Variants in MSH3 observed in about 807,000 individuals in gnomAD.
The protein encoded by MSH3 is mutS homolog 3, also known as DNA mismatch repair protein Msh3.
MSH3 carries 106 observed loss-of-function variants against 123.3 expected under a neutral mutation model. The ratio of observed to expected loss-of-function variants is 0.86; its 90% CI spans 0.73 to 1.01. The LOEUF (loss-of-function observed/expected upper bound fraction) is 1.01, where lower values mean the gene tolerates loss of function less well. MSH3 is among the 50% of genes least tolerant of loss of function. The probability of loss-of-function intolerance (pLI) is 0.00; values close to 1 mark genes in which losing one functional copy is unlikely to be tolerated. For synonymous variants in MSH3, 515 were observed against 481.4 expected (o/e 1.07, Z -0.91); for missense variants, 1,459 against 1,347.6 (o/e 1.08, Z -1.29).
intron 22 of MSH3, among the ~76,000 whole-genome samples, chr5:80,868,619 G>A (rs561389074): frequency 1.7e-4 from 24 of 141,824 alleles, no homozygotes; most frequent in Non-Finnish European, 3.2e-4. Context: ...CCTACTAGAT[G>A]GGGGAGGGTG....
rs542453427 is a variant in MSH3 at position 80,740,601 on chromosome 5, C to T, written c.1569-863C>T. On this transcript the variant is annotated intron_variant, in intron 10 of 23. Transcript: ENST00000265081. ...GGTCTCCATCTCTTGACCTCGTGAT[C>T]CACCCACCTTGGCCTCCCAAAGTGG... 3.9e-5 allele frequency among the ~76,000 whole-genome samples: 6 copies of T among 152,260 alleles called. No individual in the cohort carries two copies. The East Asian group carries it at 1.2e-3, about 29-fold the overall frequency.
rs1278906585 is a variant in MSH3 at position 80,693,615 on chromosome 5, A to G, written c.1340+14522A>G. Among the ~76,000 whole-genome samples, 3 of 100,220 alleles carry G rather than the reference A, an allele frequency of 3.0e-5. No homozygotes were observed. The East Asian group carries it at 8.9e-4, about 30-fold the overall frequency. 65.7% of individuals were successfully genotyped at this position (100,220 alleles called of 152,430 possible). ...TATATATAAACATACATATATACACACACACATATACACACACACACACAC... is the reference window on the plus strand; with the variant it reads ...TATATATAAACATACATATATACACGCACACATATACACACACACACACAC... On this transcript the variant is annotated intron_variant, in intron 8 of 23. Transcript: ENST00000265081.
chr5:80,810,756 T>C (rs1480591400), intron 19 of MSH3, among the ~76,000 whole-genome samples: 1 of 152,176 alleles, frequency 6.6e-6, no homozygotes, highest in Admixed American at 6.5e-5. Context: ...TAATTAGGTC[T>C]TCTTTAATTT....
At chr5:80,833,876 A>G (rs77804360) in intron 20 of MSH3, among the ~76,000 whole-genome samples, 71 of 142,844 alleles carry the variant, frequency 5.0e-4, no homozygotes, top group African/African-American at 1.8e-3. Flanking sequence ...GAATGGTATC[A>G]AAGACTCTGG....
intron 6 of MSH3, among the ~76,000 whole-genome samples, chr5:80,673,125 A>T (rs1749759678): frequency 6.6e-6 from 1 of 152,218 alleles, no homozygotes; most frequent in Non-Finnish European, 1.5e-5. Flanking sequence ...AGACGATGTC[A>T]GGTTAGTATC....
At chr5:80,845,644 A>G (rs900238731) in intron 20 of MSH3, among the ~76,000 whole-genome samples, 2 of 151,888 alleles carry the variant, frequency 1.3e-5, no homozygotes, top group African/African-American at 4.8e-5. Context: ...ACTTTATTTC[A>G]TTAATTTGAT....
At chr5:80,745,777 C>T (rs1316937149) in intron 12 of MSH3, among the ~76,000 whole-genome samples, 1 of 152,230 alleles carries the variant, frequency 6.6e-6, no homozygotes, top group Non-Finnish European at 1.5e-5. Flanking sequence ...TCACACCACA[C>T]AGTATGCTAG....
chr5:80,831,723 ATCCATT>A (rs911723920), intron 20 of MSH3, among the ~76,000 whole-genome samples: 1 of 151,886 alleles, frequency 6.6e-6, no homozygotes, highest in African/African-American at 2.4e-5. Flanking sequence ...TGACTTAGAC[ATCCATT>A]TTGGACAGAG....
chr5:80,709,553 C>T (rs533984065), intron 8 of MSH3, among the ~76,000 whole-genome samples: 13 of 152,144 alleles, frequency 8.5e-5, no homozygotes, highest in Non-Finnish European at 1.3e-4. Context: ...ACCCGGGAGG[C>T]GGAGCTTGCA....
intron 17 of MSH3, among the ~76,000 whole-genome samples, chr5:80,786,317 GCTAA>G: frequency 6.6e-6 from 1 of 152,190 alleles, no homozygotes; most frequent in East Asian, 1.9e-4. Flanking sequence ...ATTGCTTTAG[GCTAA>G]CTGCTTTTTC....
intron 21 of MSH3, among the ~76,000 whole-genome samples, chr5:80,861,199 T>A (rs1406749522): frequency 6.6e-6 from 1 of 152,202 alleles, no homozygotes; most frequent in East Asian, 1.9e-4. Context: ...ATTTGTGGGT[T>A]TTTACTTTTA....
chr5:80,818,263 A>G (rs34576132), intron 20 of MSH3, among the ~76,000 whole-genome samples: 3 of 152,102 alleles, frequency 2.0e-5, no homozygotes, highest in Non-Finnish European at 2.9e-5. Flanking sequence ...AGATCTAGAT[A>G]CCAATTTACA....
chr5:80,809,698 A>G (rs1744972696), intron 19 of MSH3, among the ~76,000 whole-genome samples: 1 of 152,128 alleles, frequency 6.6e-6, no homozygotes, highest in Non-Finnish European at 1.5e-5. Context: ...GCATTCTTAC[A>G]TTACATTCTC....
chr5:80,813,848 A>C (rs1745053141), intron 20 of MSH3, 107 bp downstream of exon 20: 8 of 1,206,660 alleles, frequency 6.6e-6, no homozygotes, highest in Non-Finnish European at 8.6e-6. Flanking sequence ...TAAAGCACTC[A>C]ACATTTAGGA....
intron 11 of MSH3, among the ~76,000 whole-genome samples, chr5:80,743,057 A>G (rs1167852623): frequency 6.6e-6 from 1 of 151,554 alleles, no homozygotes; most frequent in Non-Finnish European, 1.5e-5. Context: ...CTTCACCCCC[A>G]CCGCCCCTCG....
chr5:80,873,039 A>T, intron 22 of MSH3, 77 bp from the exon 23 acceptor site: 2 of 1,258,496 alleles, frequency 1.6e-6, no homozygotes, highest in Non-Finnish European at 2.3e-6. Flanking sequence ...AGTTATGAGA[A>T]CTTACATGTC....
At chr5:80,673,621 A>G (rs1749770441) in intron 6 of MSH3, among the ~76,000 whole-genome samples, 1 of 152,168 alleles carries the variant, frequency 6.6e-6, no homozygotes, top group Non-Finnish European at 1.5e-5. Flanking sequence ...ATGCCTATAA[A>G]ATATAGTGGT....
intron 7 of MSH3, among the ~76,000 whole-genome samples, chr5:80,678,720 C>G (rs1395055608): frequency 6.6e-6 from 1 of 152,106 alleles, no homozygotes; most frequent in Non-Finnish European, 1.5e-5. Flanking sequence ...TCTCGGAAAT[C>G]TGATTTATAG....
intron 10 of MSH3, among the ~76,000 whole-genome samples, chr5:80,735,758 T>C (rs778376059): frequency 1.3e-5 from 2 of 152,054 alleles, no homozygotes; most frequent in Non-Finnish European, 2.9e-5. Context: ...TCCTAAAAAT[T>C]GCCCGTGTTC....
Sources: allele counts gnomAD v4.1 joint callset (sites outside exome capture counted in the v4.1 genomes callset), GRCh38; gene constraint gnomAD v4.1.1; transcripts MANE v1.5; gene names NCBI Gene and HGNC (gene_info 2026-07-23, HGNC 2026-07-21).